ANKFN1: variants seen among roughly 807,000 people sequenced by gnomAD.
ANKFN1 encodes ankyrin repeat and fibronectin type III domain containing 1.
A neutral mutation model predicts 108.7 loss-of-function variants in ANKFN1; 74 were observed. That is an observed-to-expected ratio of 0.68 (90% CI 0.56 to 0.83). The LOEUF (loss-of-function observed/expected upper bound fraction) is 0.83, where lower values mean the gene tolerates loss of function less well. ANKFN1 is among the 40% of genes least tolerant of loss of function. ANKFN1 has a pLI of 0.00. For synonymous variants in ANKFN1, 547 were observed against 516.2 expected (o/e 1.06, Z -0.81); for missense variants, 1,505 against 1,382.3 (o/e 1.09, Z -1.41).
chr17:56,416,628 A>C (rs2048247507), intron 8 of ANKFN1, among the ~76,000 whole-genome samples: 1 of 152,222 alleles, frequency 6.6e-6, no homozygotes, highest in Non-Finnish European at 1.5e-5. Flanking sequence ...TCGTACAACC[A>C]CTATGGAGAA....
intron 3 of ANKFN1, among the ~76,000 whole-genome samples, chr17:56,315,146 G>C (rs1253979023): frequency 6.6e-6 from 1 of 152,208 alleles, no homozygotes; most frequent in Non-Finnish European, 1.5e-5. Flanking sequence ...ATTGCAGTAA[G>C]TTAATGTTTG....
chr17:56,303,818 G>A (rs1227841722), intron 3 of ANKFN1, among the ~76,000 whole-genome samples: 1 of 151,218 alleles, frequency 6.6e-6, no homozygotes, highest in Non-Finnish European at 1.5e-5. Flanking sequence ...CCGAGTAGCT[G>A]GGATTACAGG....
At chr17:56,326,529 G>A (rs573175506) in intron 4 of ANKFN1, among the ~76,000 whole-genome samples, 174 bp downstream of exon 4, 1 of 152,278 alleles carries the variant, frequency 6.6e-6, no homozygotes, top group South Asian at 2.1e-4. Flanking sequence ...CACACACACA[G>A]TGGTCTGCAA....
intron 1 of ANKFN1, among the ~76,000 whole-genome samples, chr17:56,189,697 A>G (rs62073000): frequency 0.12 from 18,147 of 152,210 alleles, 1,400 homozygotes; most frequent in East Asian, 0.3. Context: ...AGTCCCTTTT[A>G]TCATATAATG....
intron 15 of ANKFN1, among the ~76,000 whole-genome samples, chr17:56,473,949 C>T (rs527338221): frequency 4.6e-5 from 7 of 152,258 alleles, no homozygotes; most frequent in East Asian, 1.9e-4. Context: ...CTGTGATACT[C>T]TTACCTATCC....
At chr17:56,412,960 TAAAAG>T (rs2048138747) in intron 8 of ANKFN1, among the ~76,000 whole-genome samples, 1 of 152,236 alleles carries the variant, frequency 6.6e-6, no homozygotes, top group Non-Finnish European at 1.5e-5. Flanking sequence ...TTATCTTTTT[TAAAAG>T]AAAACAACTT....
intron 3 of ANKFN1, among the ~76,000 whole-genome samples, chr17:56,243,988 AC>A (rs1209198121): frequency 1.3e-5 from 2 of 152,002 alleles, no homozygotes; most frequent in Admixed American, 1.3e-4. Context: ...TTAGCCACAG[AC>A]CCTCAGGAAC....
intron 19 of ANKFN1, among the ~76,000 whole-genome samples, chr17:56,497,352 A>T (rs1411787688): frequency 6.6e-6 from 1 of 152,172 alleles, no homozygotes; most frequent in Non-Finnish European, 1.5e-5. Flanking sequence ...TCATGCTTTC[A>T]TCACTGGCCC....
At chr17:56,228,638 T>A (rs1916471489) in intron 3 of ANKFN1, 2 of 151,982 alleles carry the variant, frequency 1.3e-5, no homozygotes, top group South Asian at 2.1e-4. Flanking sequence ...AAAAAGAAAG[T>A]TTCATATGTC....
At chr17:56,286,705 A>G (rs1485125338) in intron 3 of ANKFN1, among the ~76,000 whole-genome samples, 2 of 152,116 alleles carry the variant, frequency 1.3e-5, no homozygotes, top group Non-Finnish European at 1.5e-5. Flanking sequence ...GACTTCCACC[A>G]TATTACATTG....
chr17:56,116,742 T>A (rs555864325), intron 4 of ANKFN1, among the ~76,000 whole-genome samples: 1 of 152,210 alleles, frequency 6.6e-6, no homozygotes, highest in Non-Finnish European at 1.5e-5. Context: ...AATTACCCAG[T>A]CTCAGGTATT....
chr17:56,399,892 G>A (rs1010263318), intron 8 of ANKFN1, among the ~76,000 whole-genome samples: 3 of 144,686 alleles, frequency 2.1e-5, no homozygotes, highest in Admixed American at 6.9e-5. Flanking sequence ...TTTTATGGCT[G>A]AGTATTCCAT....
chr17:56,261,000 C>T (rs1312223678), intron 3 of ANKFN1, among the ~76,000 whole-genome samples: 1 of 152,178 alleles, frequency 6.6e-6, no homozygotes, highest in Non-Finnish European at 1.5e-5. Flanking sequence ...GGTAATTGAA[C>T]AGAGATCGGA....
At chr17:56,128,489 A>G (rs1907073549) in intron 4 of ANKFN1, among the ~76,000 whole-genome samples, 2 of 152,180 alleles carry the variant, frequency 1.3e-5, no homozygotes, top group Non-Finnish European at 2.9e-5. Flanking sequence ...GTATAGGAGT[A>G]TAGGGTGTTC....
intron 4 of ANKFN1, among the ~76,000 whole-genome samples, chr17:56,085,934 T>G (rs1399272110): frequency 6.6e-6 from 1 of 151,050 alleles, no homozygotes; most frequent in Admixed American, 6.6e-5. Flanking sequence ...CACAAAAAAA[T>G]TAGTTGTTAG....
At chr17:56,433,843 A>C (rs2048842487) in intron 8 of ANKFN1, among the ~76,000 whole-genome samples, 1 of 151,728 alleles carries the variant, frequency 6.6e-6, no homozygotes, top group Non-Finnish European at 1.5e-5. Context: ...AAAAAAAAAA[A>C]CTGTAACAGT....
At chr17:56,050,298 T>C (rs1236454118) in intron 4 of ANKFN1, among the ~76,000 whole-genome samples, 1 of 149,968 alleles carries the variant, frequency 6.7e-6, no homozygotes, top group South Asian at 2.1e-4. Context: ...ATTAGCCCTT[T>C]GTCAGATGAG....
intron 8 of ANKFN1, among the ~76,000 whole-genome samples, chr17:56,409,030 T>C (rs2048006594): frequency 6.6e-6 from 1 of 151,330 alleles, no homozygotes; most frequent in African/African-American, 2.4e-5. Flanking sequence ...GTTCAAGAAA[T>C]TCTCCTGCCT....
chr17:56,059,225 A>G (rs1201107142), intron 4 of ANKFN1, among the ~76,000 whole-genome samples: 1 of 152,092 alleles, frequency 6.6e-6, no homozygotes, highest in African/African-American at 2.4e-5. Flanking sequence ...TGGCCATGTA[A>G]ATGTCTTCTT....
Sources: gnomAD v4.1 joint callset for allele counts (sites outside exome capture counted in the v4.1 genomes callset) on GRCh38, gnomAD v4.1.1 for gene constraint, MANE v1.5 for transcripts, NCBI Gene and HGNC (gene_info 2026-07-23, HGNC 2026-07-21) for gene names.